THRAP3: variants seen among roughly 807,000 people sequenced by gnomAD.
The protein encoded by THRAP3 is thyroid hormone receptor associated protein 3.
In THRAP3, 16 loss-of-function variants were observed where a neutral mutation model predicts 101.0. The observed-to-expected ratio is 0.16, with a 90% CI of 0.11 to 0.24. The LOEUF is 0.24. Among genes scored for constraint, THRAP3 ranks in the 10% least tolerant of loss-of-function variants. The probability of loss-of-function intolerance (pLI) is 1.00; values close to 1 mark genes in which losing one functional copy is unlikely to be tolerated. For synonymous variants in THRAP3, 407 were observed against 422.6 expected (o/e 0.96, Z 0.45); for missense variants, 989 against 1,202.7 (o/e 0.82, Z 2.63).
chr1:36,222,690 T>G (rs1644910511), upstream of THRAP3, among the ~76,000 whole-genome samples: 1 of 152,028 alleles, frequency 6.6e-6, no homozygotes, highest in African/African-American at 2.4e-5. Flanking sequence ...ATTACCGGCG[T>G]GAGCCACCGC....
At chr1:36,281,514 T>G (rs1645731024) in intron 2 of THRAP3, among the ~76,000 whole-genome samples, 2 of 152,234 alleles carry the variant, frequency 1.3e-5, no homozygotes, top group Non-Finnish European at 2.9e-5. Context: ...GTTTGGGATT[T>G]GTACTACTAA....
intron 2 of THRAP3, among the ~76,000 whole-genome samples, chr1:36,266,742 A>G (rs184793548): frequency 4.6e-5 from 7 of 152,328 alleles, no homozygotes; most frequent in Non-Finnish European, 2.9e-5. Context: ...GATGCAAGTG[A>G]TAAGTTTAAG....
the THRAP3 span, among the ~76,000 whole-genome samples, chr1:36,216,617 A>G: frequency 6.6e-6 from 1 of 151,758 alleles, no homozygotes; most frequent in Non-Finnish European, 1.5e-5. Flanking sequence ...CTGGCCAAAA[A>G]CAACAACAAC....
chr1:36,300,523 C>G (rs1646019069), intron 9 of THRAP3, among the ~76,000 whole-genome samples: 1 of 152,272 alleles, frequency 6.6e-6, no homozygotes, highest in South Asian at 2.1e-4. Flanking sequence ...ATTTATCTGG[C>G]CCAGTACCAG....
At chr1:36,293,785 C>A in intron 7 of THRAP3, 66 bp from the exon 8 acceptor site, 2 of 1,358,090 alleles carry the variant, frequency 1.5e-6, no homozygotes, top group Non-Finnish European at 2.1e-6. Context: ...AACTTAAGAG[C>A]TAGAATATTA....
At chr1:36,295,223 CA>C (rs56794410) in intron 8 of THRAP3, among the ~76,000 whole-genome samples, 102,033 of 118,582 alleles carry the variant, frequency 0.86, 43,361 homozygotes, top group East Asian at 0.96. Flanking sequence ...AACTCTGTCT[CA>C]AAAAAAAAAA....
At chr1:36,243,407 G>A (rs1645187835) in intron 1 of THRAP3, among the ~76,000 whole-genome samples, 2 of 151,710 alleles carry the variant, frequency 1.3e-5, no homozygotes, top group Admixed American at 6.6e-5. Flanking sequence ...CTCTTAAGGA[G>A]CATGCTGCCT....
At chr1:36,290,424 C>T (rs539011390) in intron 5 of THRAP3, among the ~76,000 whole-genome samples, 4 of 151,912 alleles carry the variant, frequency 2.6e-5, no homozygotes, top group South Asian at 4.2e-4. Context: ...CTCCTGACCT[C>T]GTGATCCGCC....
intron 2 of THRAP3, among the ~76,000 whole-genome samples, chr1:36,278,524 T>G (rs1388620131): frequency 1.3e-5 from 2 of 152,224 alleles, no homozygotes; most frequent in African/African-American, 2.4e-5. Flanking sequence ...AAAAGGATGA[T>G]GGGCTTGTGC....
intron 1 of THRAP3, among the ~76,000 whole-genome samples, chr1:36,250,820 C>G (rs1234897016): frequency 6.6e-6 from 1 of 152,048 alleles, no homozygotes; most frequent in African/African-American, 2.4e-5. Flanking sequence ...AATCTCAGCT[C>G]ACTGCAACCT....
At chr1:36,224,057 T>C (rs1375707496), upstream of THRAP3, among the ~76,000 whole-genome samples, 1 of 152,180 alleles carries the variant, frequency 6.6e-6, no homozygotes, top group Non-Finnish European at 1.5e-5. Flanking sequence ...ACAGGGAGAC[T>C]CGACTTCCAA....
the THRAP3 span, among the ~76,000 whole-genome samples, chr1:36,219,387 T>C: frequency 6.6e-6 from 1 of 152,300 alleles, no homozygotes; most frequent in South Asian, 2.1e-4. Context: ...GCTAAAATAA[T>C]TGATGAAGGT....
At chr1:36,288,905 A>T (rs1645829185) in intron 4 of THRAP3, 155 bp from the exon 5 acceptor site, 1 of 985,262 alleles carries the variant, frequency 1.0e-6, no homozygotes, top group Non-Finnish European at 1.2e-6. Flanking sequence ...TTCAGAAATT[A>T]TTACGAAGTA....
chr1:36,211,082 A>G, the THRAP3 span, among the ~76,000 whole-genome samples: 1 of 151,498 alleles, frequency 6.6e-6, no homozygotes, highest in Non-Finnish European at 1.5e-5. Flanking sequence ...GCATAGTGGT[A>G]CGCTCCTGTA....
At chr1:36,303,593 T>C (rs569113350) in intron 11 of THRAP3, among the ~76,000 whole-genome samples, 1 of 152,312 alleles carries the variant, frequency 6.6e-6, no homozygotes, top group African/African-American at 2.4e-5. Context: ...TTAAAATTCC[T>C]AAATCACCCA....
rs778570862 is a variant in THRAP3 at position 36,304,176 on chromosome 1, T to G, written c.*159T>G. 1.8e-5 allele frequency: 21 copies of G among 1,157,538 alleles called. No homozygotes were observed. Among genetic ancestry groups the G allele is most frequent in the Non-Finnish European group, 2.5e-5 (21 of 855,572 alleles). The allele number at this position is 1,157,538 out of a possible 1,614,324, so 71.7% of individuals were successfully genotyped here. A position where few individuals can be genotyped will look rare whatever the true frequency, so the allele number is the denominator to read the frequency against. On this transcript the variant is annotated 3_prime_UTR_variant, in exon 12 of 12. Coordinates refer to ENST00000354618, the MANE Select transcript of THRAP3 (RefSeq NM_005119.4). ...CTACCGCGAGAGGCATCCCTGGCGC[T>G]GTCTCCCACTGGACAGAGGAGGCTG...
chr1:36,215,937 C>T, the THRAP3 span, among the ~76,000 whole-genome samples: 1,183 of 151,840 alleles, frequency 7.8e-3, 8 homozygotes, highest in African/African-American at 0.027. Context: ...TTAGTAGAGA[C>T]GGGGTTTCTC....
the THRAP3 span, among the ~76,000 whole-genome samples, chr1:36,217,007 G>A: frequency 6.6e-6 from 1 of 152,166 alleles, no homozygotes; most frequent in Non-Finnish European, 1.5e-5. Context: ...AGCTCTGTGA[G>A]GGAAGGGACC....
At chr1:36,288,803 T>C (rs1645828046) in intron 4 of THRAP3, 1 of 985,472 alleles carries the variant, frequency 1.0e-6, no homozygotes, top group African/African-American at 1.7e-5. Flanking sequence ...ATAACTTTTG[T>C]TGTTCTCTTT....
Sources: allele counts gnomAD v4.1 joint callset (sites outside exome capture counted in the v4.1 genomes callset), GRCh38; gene constraint gnomAD v4.1.1; transcripts MANE v1.5; gene names NCBI Gene and HGNC (gene_info 2026-07-23, HGNC 2026-07-21).